Variants in KCNQ1 observed in about 807,000 individuals in gnomAD.
KCNQ1 encodes the protein potassium voltage-gated channel subfamily Q member 1.
Under a neutral mutation model 72.4 loss-of-function variants are expected in KCNQ1, and 49 were observed. The ratio of observed to expected loss-of-function variants is 0.68; its 90% CI spans 0.54 to 0.86. The LOEUF (loss-of-function observed/expected upper bound fraction) is 0.86, where lower values mean the gene tolerates loss of function less well. KCNQ1 is among the 40% of genes least tolerant of loss of function. The probability of loss-of-function intolerance (pLI) is 0.00; values close to 1 mark genes in which losing one functional copy is unlikely to be tolerated. For missense variants in KCNQ1, 790 were observed against 945.1 expected (o/e 0.84, Z 2.15); for synonymous variants, 450 against 412.6 (o/e 1.09, Z -1.10).
Position 2,620,825 on chromosome 11 carries a change from C to G in KCNQ1, c.1393+31971C>G, listed in dbSNP as rs1176906702. The G allele has an allele frequency of 5.0e-6, 2 of 398,488 alleles. No homozygotes were observed. The highest frequency in any genetic ancestry group is 8.8e-6 in the Non-Finnish European group (2 of 226,092). The allele number at this position is 398,488 out of a possible 1,614,324, so 24.7% of individuals were successfully genotyped here. ...CCTGCCAACAGTGTATAAGCGTTCC[C>G]TTTTCTCTGCAGCCTTCCCAGCAAC... On this transcript the variant is annotated intron_variant, in intron 10 of 15. Transcript: ENST00000155840. This position sits in a 1 kb window ranked among gnomAD's most constrained non-coding sequence, Gnocchi z 4.5.
rs948596936 is a variant in KCNQ1 at position 2,562,475 on chromosome 11, C to T, written c.478-8153C>T. Among the ~76,000 whole-genome samples the T allele has an allele frequency of 3.3e-4, 50 of 152,302 alleles. No homozygotes were observed. Among genetic ancestry groups the T allele is most frequent in the South Asian group, 2.1e-4 (1 of 4,828 alleles). ...AGTTGGAACAGCTGGCCCCAAAGCC[C>T]GCCAGCCGGGCTCTATGCTGTGGGG... On this transcript the variant is annotated intron_variant, in intron 2 of 15. Transcript: ENST00000155840. This position sits in a 1 kb window ranked among gnomAD's most constrained non-coding sequence, Gnocchi z 7.5.
In KCNQ1 at chr11:2,516,657, A is replaced by G. The variant is rs927285608; in HGVS notation, c.387-11271A>G. ...CCTGCCAGAGCCCTGGGTTCTCAGC[A>G]GGACTCTTTGCCGGGATCCTCATGC... On this transcript the variant is annotated intron_variant, in intron 1 of 15. Coordinates refer to ENST00000155840, the MANE Select transcript of KCNQ1 (RefSeq NM_000218.3). This position sits in a 1 kb window ranked among gnomAD's most constrained non-coding sequence, Gnocchi z 7.0. Among the ~76,000 whole-genome samples the G allele has an allele frequency of 1.3e-5, 2 of 152,192 alleles. No individual in the cohort carries two copies. Among genetic ancestry groups the G allele is most frequent in the African/African-American group, 4.8e-5 (2 of 41,448 alleles).
At chr11:2,649,490 G>A (rs1849725300) in intron 10 of KCNQ1, 1 of 398,328 alleles carries the variant, frequency 2.5e-6, no homozygotes, top group African/African-American at 2.1e-5. Flanking sequence ...AATTCCCTCA[G>A]TTTTTGCTTG....
intron 1 of KCNQ1, among the ~76,000 whole-genome samples, chr11:2,469,644 C>T (rs187848569): frequency 6.6e-6 from 1 of 151,730 alleles, no homozygotes; most frequent in East Asian, 2.0e-4. Flanking sequence ...TTCCCTTATC[C>T]CTTGCTAGTC....
At position 2,671,480 on chromosome 11, in the gene KCNQ1, C is replaced by T. The variant is rs886989400; in HGVS notation, c.1514+9399C>T. 1.3e-5 allele frequency: 5 copies of T among 398,480 alleles called. No homozygotes were observed. Among genetic ancestry groups the T allele is most frequent in the Admixed American group, 4.4e-5 (1 of 22,716 alleles). The allele number at this position is 398,480 out of a possible 1,614,324, so 24.7% of individuals were successfully genotyped here. ...CCCAGCAGGGGATATACACAAAGAT[C>T]TGAGAAAGGGATTATTTTTAGGGCC... On this transcript the variant is annotated intron_variant, in intron 11 of 15. Coordinates refer to ENST00000155840, the MANE Select transcript of KCNQ1 (RefSeq NM_000218.3). The surrounding 1 kb of genome is among the most constrained non-coding windows in gnomAD (Gnocchi z 4.7).
At position 2,652,556 on chromosome 11, in the gene KCNQ1, A is replaced by G. The variant is rs1849773365; in HGVS notation, c.1394-9405A>G. 1 of 398,330 alleles carries G rather than the reference A, an allele frequency of 2.5e-6. No homozygotes were observed. Among genetic ancestry groups the G allele is most frequent in the Non-Finnish European group, 4.4e-6 (1 of 226,056 alleles). The allele number at this position is 398,330 out of a possible 1,614,324, so 24.7% of individuals were successfully genotyped here. On this transcript the variant is annotated intron_variant, in intron 10 of 15. Transcript: ENST00000155840. The surrounding 1 kb of genome is among the most constrained non-coding windows in gnomAD (Gnocchi z 5.9). ...GAAGATAGTGCTTAACCCAGATTCC[A>G]TTGTATATTAAAGTTTCCTAGGGCT...
rs529537167 is a variant in KCNQ1, at chr11:2,571,365, G to A, written c.645G>A (p.Val215=). 1 of 1,612,982 alleles carries A rather than the reference G, an allele frequency of 6.2e-7. No homozygotes were observed. Among genetic ancestry groups the A allele is most frequent in the East Asian group, 2.2e-5 (1 of 44,858 alleles). The stretch of plus-strand genomic sequence containing the variant: ...TGGCCTCCATGGTGGTCCTCTGCGT[G>A]GGCTCCAAGGGGCAGGTGTTTGCCA... ...VVVASMVVLC[V]GSKGQVFATS... The change falls in exon 4 of 16, where the codon GTG becomes GTA. Residue 215 remains valine (V), a synonymous_variant. Coordinates refer to ENST00000155840, the MANE Select transcript of KCNQ1 (RefSeq NM_000218.3).
At chr11:2,589,122 C>CT in intron 10 of KCNQ1, among the ~76,000 whole-genome samples, 1 of 152,302 alleles carries the variant, frequency 6.6e-6, no homozygotes, top group Non-Finnish European at 1.5e-5. Flanking sequence ...TCCGGCTGTA[C>CT]TGAGGGAAGG....
intron 15 of KCNQ1, among the ~76,000 whole-genome samples, chr11:2,836,885 T>C (rs748977454): frequency 4.0e-4 from 61 of 152,210 alleles, no homozygotes; most frequent in Non-Finnish European, 4.9e-4. Flanking sequence ...AATGGAGATG[T>C]GTCTTTGAAA....
In KCNQ1 at chr11:2,824,609, G is replaced by T. The variant is rs1847801122; in HGVS notation, c.1795-23158G>T. 6.6e-6 allele frequency among the ~76,000 whole-genome samples: 1 copy of T among 152,084 alleles called. No individual in the cohort carries two copies. Among genetic ancestry groups the T allele is most frequent in the Non-Finnish European group, 1.5e-5 (1 of 68,014 alleles). ...GTACCTGAAGAAGGGGTGTGGATGA[G>T]GTTGCCTGGCAAGAGATTGCAGGGA... On this transcript the variant is annotated intron_variant, in intron 15 of 15. Transcript: ENST00000155840. The surrounding 1 kb of genome is among the most constrained non-coding windows in gnomAD (Gnocchi z 5.9).
At position 2,563,472 on chromosome 11, in the gene KCNQ1, G is replaced by A. The variant is rs116554672; in HGVS notation, c.478-7156G>A. On this transcript the variant is annotated intron_variant, in intron 2 of 15. Coordinates refer to ENST00000155840, the MANE Select transcript of KCNQ1 (RefSeq NM_000218.3). This position sits in a 1 kb window ranked among gnomAD's most constrained non-coding sequence, Gnocchi z 7.4. ...GGATACCAGCATGGGGTCGGCCTGC[G>A]GGGCCATGTGTCTCCTCCTGTGTGA... Among the ~76,000 whole-genome samples, 596 of 152,298 alleles carry A rather than the reference G, an allele frequency of 3.9e-3. 4 individuals are homozygous for A. The highest frequency in any genetic ancestry group is 0.014 in the African/African-American group (571 of 41,560).
At chr11:2,499,744 G>A (rs79888274) in intron 1 of KCNQ1, among the ~76,000 whole-genome samples, 9,833 of 152,156 alleles carry the variant, frequency 0.065, 462 homozygotes, top group Middle Eastern at 0.13. Context: ...CATGATAAAG[G>A]GATCAATTCA....
rs904782342 is a variant in KCNQ1 at position 2,725,602 on chromosome 11, C to T, written c.1515-43242C>T. 6.6e-6 allele frequency among the ~76,000 whole-genome samples: 1 copy of T among 152,332 alleles called. No individual in the cohort carries two copies. Among genetic ancestry groups the T allele is most frequent in the East Asian group, 1.9e-4 (1 of 5,184 alleles). ...CTGGAACCCAAGTCAGACTTGCCCT[C>T]GCCCCCTTCCCGAACGTACCCTTTC... is the stretch of plus-strand genomic sequence containing the variant. On this transcript the variant is annotated intron_variant, in intron 11 of 15. Coordinates refer to ENST00000155840, the MANE Select transcript of KCNQ1 (RefSeq NM_000218.3). The surrounding 1 kb of genome is among the most constrained non-coding windows in gnomAD (Gnocchi z 7.2).
intron 15 of KCNQ1, among the ~76,000 whole-genome samples, chr11:2,807,739 C>T (rs1440594418): frequency 6.6e-6 from 1 of 151,726 alleles, no homozygotes; most frequent in Admixed American, 6.6e-5. Context: ...CCGCACTCTC[C>T]TCCCTGACTT....
At chr11:2,681,307 G>C (rs1850392600) in intron 11 of KCNQ1, 1 of 398,332 alleles carries the variant, frequency 2.5e-6, no homozygotes, top group South Asian at 1.3e-4. Flanking sequence ...CAGCCCACCT[G>C]GTTCTCTGTC....
At chr11:2,839,689 G>C (rs1012314604) in intron 15 of KCNQ1, 1 of 152,276 alleles carries the variant, frequency 6.6e-6, no homozygotes, top group Non-Finnish European at 1.5e-5. Flanking sequence ...CCCCACAGCC[G>C]TGGTGCGGAC....
chr11:2,495,730 A>G lies in KCNQ1; in HGVS notation c.387-32198A>G, dbSNP rs1451152451. ...TTTGTTATGATTTCCATTCTTTGGCATTTGCTGAGGAGTGTTTTACTTCCA... is the reference window on the plus strand; with the variant it reads ...TTTGTTATGATTTCCATTCTTTGGCGTTTGCTGAGGAGTGTTTTACTTCCA... On this transcript the variant is annotated intron_variant, in intron 1 of 15. Transcript: ENST00000155840. This position sits in a 1 kb window ranked among gnomAD's most constrained non-coding sequence, Gnocchi z 4.6. Among the ~76,000 whole-genome samples, 1 of 152,102 alleles carries G rather than the reference A, an allele frequency of 6.6e-6. No homozygotes were observed. The highest frequency in any genetic ancestry group is 2.4e-5 in the African/African-American group (1 of 41,410).
In KCNQ1 at chr11:2,695,476, A is replaced by C. The variant is rs185495897; in HGVS notation, c.1514+33395A>C. 2.5e-6 allele frequency: 1 copy of C among 398,518 alleles called. No homozygotes were observed. Among genetic ancestry groups the C allele is most frequent in the East Asian group, 3.6e-5 (1 of 28,080 alleles). The allele number at this position is 398,518 out of a possible 1,614,324, so 24.7% of individuals were successfully genotyped here. ...CAGCACTGTGTTTCCACGCGTCTCTATCTTGTGAAGTGTACATCTAGTCCC... is the reference window on the plus strand; with the variant it reads ...CAGCACTGTGTTTCCACGCGTCTCTCTCTTGTGAAGTGTACATCTAGTCCC... On this transcript the variant is annotated intron_variant, in intron 11 of 15. Coordinates refer to ENST00000155840, the MANE Select transcript of KCNQ1 (RefSeq NM_000218.3). This position sits in a 1 kb window ranked among gnomAD's most constrained non-coding sequence, Gnocchi z 5.2.
At chr11:2,780,860 G>C (rs234886) in intron 15 of KCNQ1, among the ~76,000 whole-genome samples, 134,508 of 152,172 alleles carry the variant, frequency 0.88, 59,606 homozygotes, top group Middle Eastern at 0.94. Flanking sequence ...AGTCCTGCGG[G>C]CTCGTCAAAA....
Sources: gnomAD v4.1 joint callset for allele counts (sites outside exome capture counted in the v4.1 genomes callset) on GRCh38, gnomAD v4.1.1 for gene constraint, Gnocchi (gnomAD v3.1) non-coding constraint, MANE v1.5 for transcripts, NCBI Gene and HGNC (gene_info 2026-07-23, HGNC 2026-07-21) for gene names.